Variants in PGRMC2 observed in about 807,000 individuals in gnomAD.
PGRMC2 encodes the protein membrane-associated progesterone receptor component 2.
PGRMC2 carries 9 observed loss-of-function variants against 19.3 expected under a neutral mutation model. That is an observed-to-expected ratio of 0.47 (90% confidence interval 0.28 to 0.81). The LOEUF (loss-of-function observed/expected upper bound fraction) is 0.81. PGRMC2 is among the 40% of genes least tolerant of loss of function. The probability of loss-of-function intolerance (pLI) is 0.11; values close to 1 mark genes in which losing one functional copy is unlikely to be tolerated. For synonymous variants in PGRMC2, 157 were observed against 124.6 expected (o/e 1.26, Z -1.73); for missense variants, 289 against 297.3 (o/e 0.97, Z 0.21).
intron 1 of PGRMC2, chr4:128,272,785 T>A: frequency 3.6e-6 from 1 of 274,224 alleles, no homozygotes; most frequent in African/African-American, 2.2e-5. Context: ...ATCCCCAAAC[T>A]TAATATTCAA....
At chr4:128,285,939 T>C (rs1760975890) in intron 1 of PGRMC2, among the ~76,000 whole-genome samples, 1 of 151,984 alleles carries the variant, frequency 6.6e-6, no homozygotes, top group African/African-American at 2.4e-5. Flanking sequence ...TAAATGTGTA[T>C]ATATACACAG....
At chr4:128,281,910 C>T (rs1250024050) in intron 1 of PGRMC2, among the ~76,000 whole-genome samples, 1 of 152,172 alleles carries the variant, frequency 6.6e-6, no homozygotes, top group Non-Finnish European at 1.5e-5. Flanking sequence ...CTTTGTATGG[C>T]TGGCTCTGTT....
At chr4:128,282,271 T>C (rs1229950877) in intron 1 of PGRMC2, among the ~76,000 whole-genome samples, 1 of 152,212 alleles carries the variant, frequency 6.6e-6, no homozygotes, top group Non-Finnish European at 1.5e-5. Flanking sequence ...AGACTGGATA[T>C]AGGCTCCAAA....
chr4:128,276,491 A>G (rs566587708), intron 1 of PGRMC2, among the ~76,000 whole-genome samples: 2 of 151,956 alleles, frequency 1.3e-5, no homozygotes, highest in African/African-American at 4.8e-5. Context: ...GCTAATTTTT[A>G]TATTTTTGGT....
Position 128,271,338 on chromosome 4 carries a change from T to C in PGRMC2, c.650A>G (p.Lys217Arg), listed in dbSNP as rs774304993. ...PSEYTDEEDT[K>R]DHNKQD ...AGTTCAATCCTGTTTATTGTGATCC[T>C]TGGTATCTTCTTCATCTGTATATTC... Residue 217 changes from lysine to arginine, a missense_variant, in exon 3 of 3, where the codon AAG becomes AGG. Physicochemically the swap from Lys to Arg is conservative, Grantham distance 26 (BLOSUM62 2). Coordinates refer to ENST00000296425, the MANE Select transcript of PGRMC2 (RefSeq NM_006320.6). The C allele has an allele frequency of 7.5e-6, 12 of 1,597,900 alleles. No individual in the cohort carries two copies. The highest frequency in any genetic ancestry group is 1.7e-5 in the Admixed American group (1 of 59,846).
intron 1 of PGRMC2, among the ~76,000 whole-genome samples, chr4:128,277,508 A>G (rs1578884026): frequency 6.6e-6 from 1 of 152,228 alleles, no homozygotes; most frequent in South Asian, 2.1e-4. Flanking sequence ...TTCTAAAGGG[A>G]TATTTTAATT....
chr4:128,286,004 T>A (rs950798088), intron 1 of PGRMC2, among the ~76,000 whole-genome samples: 3 of 151,902 alleles, frequency 2.0e-5, no homozygotes, highest in Non-Finnish European at 4.4e-5. Flanking sequence ...AATCTCCTAT[T>A]TCTTATCCCT....
rs565699849 is a variant in PGRMC2 at position 128,287,535 on chromosome 4, C to T, written c.256G>A (p.Ala86Thr). Residue 86 changes from alanine (A) to threonine (T), a missense_variant, in exon 1 of 3, where the codon GCG becomes ACG. Transcript: ENST00000296425. ...GAGGTGGCGGGGCTCTCCTCGCCCG[C>T]CCCGGCCCCGGCCCCCAGACCCCGC... Reference protein sequence around the residue: ...GRRGLGAGAGAGEESPATSLP... With the variant: ...GRRGLGAGAGTGEESPATSLP... 10 of 1,549,380 alleles carry T rather than the reference C, an allele frequency of 6.5e-6. No homozygotes were observed. In the South Asian group the frequency reaches 1.2e-4, roughly 18 times the overall value.
chr4:128,278,342 G>A (rs958705444), intron 1 of PGRMC2, among the ~76,000 whole-genome samples: 10 of 152,128 alleles, frequency 6.6e-5, no homozygotes, highest in East Asian at 3.9e-4. Context: ...AGGCCAAGGC[G>A]GGTAGATCAC....
chr4:128,279,208 CAAA>C (rs1186987180), intron 1 of PGRMC2, among the ~76,000 whole-genome samples: 1 of 112,184 alleles, frequency 8.9e-6, no homozygotes, highest in African/African-American at 3.4e-5. Flanking sequence ...AACTCTGTCT[CAAA>C]AAAAAAAAAA....
intron 1 of PGRMC2, among the ~76,000 whole-genome samples, chr4:128,285,210 C>T (rs965822858): frequency 6.6e-6 from 1 of 152,196 alleles, no homozygotes; most frequent in African/African-American, 2.4e-5. Context: ...ACTGCAACCC[C>T]CACCTCCCGG....
At chr4:128,279,764 T>C (rs991696748) in intron 1 of PGRMC2, among the ~76,000 whole-genome samples, 1 of 152,192 alleles carries the variant, frequency 6.6e-6, no homozygotes, top group Admixed American at 6.5e-5. Context: ...AGGGTATGCA[T>C]AGTATACTAT....
intron 1 of PGRMC2, among the ~76,000 whole-genome samples, chr4:128,276,344 A>ATT (rs200409727): frequency 1.1e-4 from 17 of 151,536 alleles, no homozygotes; most frequent in Middle Eastern, 3.4e-3. Context: ...TTGTATTAGT[A>ATT]TTTTTTTTTG....
Position 128,272,505 on chromosome 4 carries a change from C to A in PGRMC2, c.431G>T (p.Gly144Val). Residue 144 changes from glycine to valine, a missense_variant, in exon 2 of 3, where the codon GGA (glycine) becomes GTA (valine). Transcript: ENST00000296425. ...SKFYGPAGPYGIFAGRDASRG... is the reference protein window; with the variant it reads ...SKFYGPAGPYVIFAGRDASRG... ...GGAGGCATCCCTACCAGCAAATATT[C>A]CATATGGACCCGCTGGAAAAAAGAA... is the stretch of plus-strand genomic sequence containing the variant. 1 of 1,489,554 alleles carries A rather than the reference C, an allele frequency of 6.7e-7. No homozygotes were observed. Among genetic ancestry groups the A allele is most frequent in the South Asian group, 1.5e-5 (1 of 68,838 alleles). 92.3% of individuals were successfully genotyped at this position (1,489,554 alleles called of 1,614,324 possible).
intron 1 of PGRMC2, 58 bp downstream of exon 1, chr4:128,287,315 C>A: frequency 6.5e-7 from 1 of 1,539,388 alleles, no homozygotes; most frequent in Non-Finnish European, 8.8e-7. Flanking sequence ...CCTCCCTGTC[C>A]GAAGGGGGTT....
intron 1 of PGRMC2, among the ~76,000 whole-genome samples, chr4:128,274,638 CAG>C (rs1421665808): frequency 6.6e-6 from 1 of 150,718 alleles, no homozygotes; most frequent in South Asian, 2.1e-4. Context: ...AGGAGAGAGA[CAG>C]AGACAGAGAA....
intron 1 of PGRMC2, among the ~76,000 whole-genome samples, chr4:128,276,216 C>T (rs1266261075): frequency 1.3e-5 from 2 of 152,156 alleles, no homozygotes; most frequent in Admixed American, 6.5e-5. Flanking sequence ...TAAATATTTA[C>T]CAATTCTAAT....
In PGRMC2 at chr4:128,287,680, C is replaced by T. The variant is rs1761009794; in HGVS notation, c.111G>A (p.Gly37=). The T allele has an allele frequency of 6.5e-7, 1 of 1,532,738 alleles. No individual in the cohort carries two copies. Among genetic ancestry groups the T allele is most frequent in the Non-Finnish European group, 8.8e-7 (1 of 1,142,342 alleles). The allele number at this position is 1,532,738 out of a possible 1,614,324, so 94.9% of individuals were successfully genotyped here. A position where few individuals can be genotyped will look rare whatever the true frequency, so the allele number is the denominator to read the frequency against. The stretch of plus-strand genomic sequence containing the variant: ...CCAACGCCGCCGCCGCCCAGCCTCC[C>T]CCTTCCGCTGCCGCTCCCGCGTCGC... ...SPGDAGAAAE[G]GGWAAAALAL... is the part of the protein sequence containing the mutation. The change falls in exon 1 of 3, where the codon GGG becomes GGA. Residue 37 remains glycine (G), a synonymous_variant. Transcript: ENST00000296425.
chr4:128,281,053 A>T (rs904036066), intron 1 of PGRMC2, among the ~76,000 whole-genome samples: 2 of 152,204 alleles, frequency 1.3e-5, no homozygotes, highest in Admixed American at 1.3e-4. Flanking sequence ...ACAGTGAATT[A>T]AAAAAATGAT....
Sources: allele counts gnomAD v4.1 joint callset (sites outside exome capture counted in the v4.1 genomes callset), GRCh38; gene constraint gnomAD v4.1.1; transcripts MANE v1.5; gene names NCBI Gene and HGNC (gene_info 2026-07-23, HGNC 2026-07-21).